The following NEXN variants were observed in gnomAD, a reference collection of about 807,000 sequenced individuals.
NEXN encodes the protein nexilin.
NEXN carries 65 observed loss-of-function variants against 92.6 expected under a neutral mutation model. That is an observed-to-expected ratio of 0.70 (90% confidence interval 0.57 to 0.86). The LOEUF (loss-of-function observed/expected upper bound fraction) is 0.86. Ranked by LOEUF, NEXN falls within the 40% of genes least tolerant of loss-of-function variation. NEXN has a pLI of 0.00. For missense variants in NEXN, 778 were observed against 771.1 expected (o/e 1.01, Z -0.11); for synonymous variants, 254 against 242.5 (o/e 1.05, Z -0.44).
rs553166373 is a variant in NEXN at position 77,912,094 on chromosome 1, A to C, written c.-52-3961A>C. On this transcript the variant is annotated intron_variant, in intron 1 of 12. Transcript: ENST00000334785. ...ACTCTGTCTCAAAAAAAAAAAAAAA[A>C]ATCTGAAATCTGAAACATTTCTAGT... 2.4e-3 allele frequency among the ~76,000 whole-genome samples: 370 copies of C among 152,086 alleles called. 2 individuals are homozygous for C. Among genetic ancestry groups the C allele is most frequent in the African/African-American group, 8.7e-3 (360 of 41,502 alleles).
In NEXN at chr1:77,943,109, C is replaced by T; in HGVS notation, c.*280C>T. ...TTCCAAATAAGCATCAGATTTATCGCCTATTATGCAGTAACAGTCAATAAA... is the reference window on the plus strand; with the variant it reads ...TTCCAAATAAGCATCAGATTTATCGTCTATTATGCAGTAACAGTCAATAAA... On this transcript the variant is annotated 3_prime_UTR_variant, in exon 13 of 13. Coordinates refer to ENST00000334785, the MANE Select transcript of NEXN (RefSeq NM_144573.4). 1 of 413,570 alleles carries T rather than the reference C, an allele frequency of 2.4e-6. No homozygotes were observed. Among genetic ancestry groups the T allele is most frequent in the South Asian group, 2.1e-5 (1 of 47,450 alleles). 25.6% of individuals were successfully genotyped at this position (413,570 alleles called of 1,614,324 possible).
rs1384532572 is a variant in NEXN at position 77,942,564 on chromosome 1, TTA to T, written c.1764_1765del (p.Asn590HisfsTer7). ...GGAGCTCCATGGTTCAAGAAGCCTC[TTA>T]AAAACACATCAGTTGTAGACAGTGA... On this transcript the variant is annotated frameshift_variant, in exon 13 of 13. Coordinates refer to ENST00000334785, the MANE Select transcript of NEXN (RefSeq NM_144573.4). LOFTEE classifies it high-confidence loss of function. 6.2e-7 allele frequency: 1 copy of T among 1,613,856 alleles called. No individual in the cohort carries two copies. Among genetic ancestry groups the T allele is most frequent in the South Asian group, 1.1e-5 (1 of 91,070 alleles).
intron 9 of NEXN, chr1:77,931,748 G>A (rs1010803968): frequency 6.6e-6 from 1 of 152,128 alleles, no homozygotes; most frequent in Non-Finnish European, 1.5e-5. Flanking sequence ...GGCAATCTTT[G>A]AATTGTAAAC....
chr1:77,906,303 A>G (rs1418821990), intron 1 of NEXN, among the ~76,000 whole-genome samples: 2 of 152,206 alleles, frequency 1.3e-5, no homozygotes, highest in Non-Finnish European at 1.5e-5. Flanking sequence ...ACTGAAGTTC[A>G]CAGAAGTTAA....
At chr1:77,939,801 G>A (rs151297449) in intron 11 of NEXN, among the ~76,000 whole-genome samples, 323 of 152,296 alleles carry the variant, frequency 2.1e-3, no homozygotes, top group Non-Finnish European at 3.6e-3. Flanking sequence ...GGCTGAGCGC[G>A]GTGGTTTATG....
chr1:77,929,706 G>C (rs1163810970), intron 9 of NEXN, among the ~76,000 whole-genome samples: 1 of 152,182 alleles, frequency 6.6e-6, no homozygotes, highest in Non-Finnish European at 1.5e-5. Flanking sequence ...AGAAGATTCT[G>C]CTTTAAATTG....
At chr1:77,915,642 A>G (rs763428727) in intron 1 of NEXN, among the ~76,000 whole-genome samples, 5 of 152,134 alleles carry the variant, frequency 3.3e-5, no homozygotes, top group Non-Finnish European at 7.4e-5. Flanking sequence ...CAAAAACAAA[A>G]ACAAAACAAA....
chr1:77,924,635 A>C (rs1048060863), intron 5 of NEXN, among the ~76,000 whole-genome samples: 1 of 148,854 alleles, frequency 6.7e-6, no homozygotes, highest in African/African-American at 2.5e-5. Flanking sequence ...TACAGAGGGT[A>C]GGCTTTATCT....
intron 6 of NEXN, among the ~76,000 whole-genome samples, chr1:77,925,591 C>T (rs138702055): frequency 8.6e-4 from 131 of 152,208 alleles, no homozygotes; most frequent in Admixed American, 5.6e-3. Flanking sequence ...GTCTTCTTTC[C>T]TCAGAGTTCC....
At chr1:77,896,568 T>C (rs529977816) in intron 1 of NEXN, among the ~76,000 whole-genome samples, 19 of 152,202 alleles carry the variant, frequency 1.2e-4, no homozygotes, top group Middle Eastern at 3.4e-3. Context: ...AAGGCCAGCC[T>C]GGCCAATATG....
rs531102941 is a variant in NEXN at position 77,930,625 on chromosome 1, C to G, written c.1053+1121C>G. On this transcript the variant is annotated intron_variant, in intron 9 of 12. Coordinates refer to ENST00000334785, the MANE Select transcript of NEXN (RefSeq NM_144573.4). ...TAGTCTTGCTCTTGTATATTGCTCT[C>G]GTTTCATTTCTTGATTCTTCCTGAA... 7.2e-5 allele frequency among the ~76,000 whole-genome samples: 11 copies of G among 152,302 alleles called. No homozygotes were observed. The East Asian group carries it at 1.9e-3, about 27-fold the overall frequency.
chr1:77,905,965 G>A (rs1242195487), intron 1 of NEXN, among the ~76,000 whole-genome samples: 1 of 152,072 alleles, frequency 6.6e-6, no homozygotes, highest in Non-Finnish European at 1.5e-5. Flanking sequence ...TGAGGCTACA[G>A]AAGTAATTTA....
At position 77,942,595 on chromosome 1, in the gene NEXN, A is replaced by G. The variant is rs1651468941; in HGVS notation, c.1794A>G (p.Pro598=). 6.2e-7 allele frequency: 1 copy of G among 1,613,926 alleles called. No individual in the cohort carries two copies. Among genetic ancestry groups the G allele is most frequent in the African/African-American group, 1.3e-5 (1 of 75,048 alleles). ...ACACATCAGTTGTAGACAGTGAGCC[A>G]GTCAGATTTACGGTTAAAGTAACAG... ...LKNTSVVDSE[P]VRFTVKVTGE... Residue 598 remains proline (P), a synonymous_variant, in exon 13 of 13, where the codon CCA becomes CCG. Coordinates refer to ENST00000334785, the MANE Select transcript of NEXN (RefSeq NM_144573.4).
intron 2 of NEXN, 58 bp from the exon 3 acceptor site, chr1:77,917,508 C>T: frequency 8.1e-7 from 1 of 1,227,026 alleles, no homozygotes; most frequent in Non-Finnish European, 1.2e-6. Flanking sequence ...TCTATCTTTA[C>T]CTAATTTCTT....
intron 5 of NEXN, among the ~76,000 whole-genome samples, chr1:77,922,202 C>A (rs1029763684): frequency 6.7e-6 from 1 of 148,478 alleles, no homozygotes; most frequent in African/African-American, 2.5e-5. Flanking sequence ...TGCAGTGGCA[C>A]GATTTCAGCT....
At chr1:77,894,209 G>A (rs530482019) in intron 1 of NEXN, among the ~76,000 whole-genome samples, 304 of 151,990 alleles carry the variant, frequency 2.0e-3, no homozygotes, top group Middle Eastern at 3.4e-3. Context: ...CACCTGCCTC[G>A]GCCTCCCAAA....
intron 11 of NEXN, among the ~76,000 whole-genome samples, chr1:77,938,531 C>T (rs886995298): frequency 4.0e-5 from 6 of 150,394 alleles, no homozygotes; most frequent in African/African-American, 1.5e-4. Context: ...GGTCTATAGT[C>T]CCAGCTACTC....
chr1:77,893,871 T>G (rs1647161621), intron 1 of NEXN, among the ~76,000 whole-genome samples: 1 of 152,050 alleles, frequency 6.6e-6, no homozygotes, highest in African/African-American at 2.4e-5. Context: ...TTTGCTCTTT[T>G]GCCCAGGCTG....
intron 1 of NEXN, among the ~76,000 whole-genome samples, chr1:77,901,676 G>T (rs1190609041): frequency 6.6e-6 from 1 of 152,108 alleles, no homozygotes; most frequent in Non-Finnish European, 1.5e-5. Flanking sequence ...TCAATAATGG[G>T]CCCAGACTTT....
Sources: allele counts gnomAD v4.1 joint callset (sites outside exome capture counted in the v4.1 genomes callset), GRCh38; gene constraint gnomAD v4.1.1; transcripts MANE v1.5; gene names NCBI Gene and HGNC (gene_info 2026-07-23, HGNC 2026-07-21).